The following ARHGAP42 variants were observed in gnomAD, a reference collection of about 807,000 sequenced individuals.
ARHGAP42 encodes the protein Rho GTPase activating protein 42.
Under a neutral mutation model 125.0 loss-of-function variants are expected in ARHGAP42, and 63 were observed. The ratio of observed to expected loss-of-function variants is 0.50; its 90% confidence interval spans 0.41 to 0.62. The LOEUF is 0.62. Among genes scored for constraint, ARHGAP42 ranks in the 20% least tolerant of loss-of-function variants. The pLI is 0.00. For missense variants in ARHGAP42, 766 were observed against 1,024.2 expected (o/e 0.75, Z 3.44); for synonymous variants, 339 against 351.0 (o/e 0.97, Z 0.38).
chr11:100,954,895 T>A (rs1468543192), intron 12 of ARHGAP42, among the ~76,000 whole-genome samples: 1 of 152,178 alleles, frequency 6.6e-6, no homozygotes, highest in Non-Finnish European at 1.5e-5. Context: ...TACAGCATGA[T>A]ATTAGTTATC....
At chr11:100,968,695 C>A (rs183202735) in intron 17 of ARHGAP42, among the ~76,000 whole-genome samples, 3 of 152,114 alleles carry the variant, frequency 2.0e-5, no homozygotes, top group Admixed American at 6.5e-5. Context: ...TTCATTTGTT[C>A]CTGTGAATTT....
chr11:100,979,631 T>C (rs1201704199), intron 22 of ARHGAP42, among the ~76,000 whole-genome samples: 3 of 152,202 alleles, frequency 2.0e-5, no homozygotes, highest in Admixed American at 2.0e-4. Flanking sequence ...TCAAATTTAT[T>C]CTTGATCTAC....
intron 4 of ARHGAP42, among the ~76,000 whole-genome samples, chr11:100,898,198 A>G (rs965667035): frequency 2.0e-5 from 3 of 152,154 alleles, no homozygotes; most frequent in Non-Finnish European, 2.9e-5. Context: ...AGCCAACTTG[A>G]TCGTGGTGGA....
At chr11:100,955,952 T>C (rs1857793757) in intron 12 of ARHGAP42, among the ~76,000 whole-genome samples, 1 of 152,156 alleles carries the variant, frequency 6.6e-6, no homozygotes, top group South Asian at 2.1e-4. Context: ...TGCCACTGAC[T>C]TCCCTCAGAA....
At chr11:100,720,921 A>C (rs577742993) in intron 1 of ARHGAP42, among the ~76,000 whole-genome samples, 1 of 152,088 alleles carries the variant, frequency 6.6e-6, no homozygotes, top group Non-Finnish European at 1.5e-5. Flanking sequence ...CCATTTACTT[A>C]TTTAGATTCT....
chr11:100,752,364 C>A (rs1454437153), intron 1 of ARHGAP42, among the ~76,000 whole-genome samples: 1 of 152,306 alleles, frequency 6.6e-6, no homozygotes, highest in East Asian at 1.9e-4. Context: ...TTGTTGCAGA[C>A]TATCCTAGCT....
At chr11:100,799,412 T>A (rs548271024) in intron 3 of ARHGAP42, among the ~76,000 whole-genome samples, 1 of 152,342 alleles carries the variant, frequency 6.6e-6, no homozygotes, top group South Asian at 2.1e-4. Context: ...GTGACTTTGA[T>A]CTGAGTTTTG....
chr11:100,976,481 T>G, intron 20 of ARHGAP42, 44 bp downstream of exon 20: 1 of 1,479,860 alleles, frequency 6.8e-7, no homozygotes, highest in South Asian at 1.4e-5. Context: ...TGTCTCAGTG[T>G]CACTTGTGCT....
At chr11:100,928,361 C>T (rs937679713) in intron 6 of ARHGAP42, among the ~76,000 whole-genome samples, 7 of 151,998 alleles carry the variant, frequency 4.6e-5, no homozygotes, top group African/African-American at 7.2e-5. Context: ...GTTGAGAGGC[C>T]GAGGCGGGAG....
At chr11:100,878,127 T>C (rs1865868759) in intron 4 of ARHGAP42, among the ~76,000 whole-genome samples, 1 of 151,944 alleles carries the variant, frequency 6.6e-6, no homozygotes, top group Non-Finnish European at 1.5e-5. Context: ...ATTCCTTCTA[T>C]TTCTTTTTTT....
intron 1 of ARHGAP42, among the ~76,000 whole-genome samples, chr11:100,702,118 C>CA (rs1019420186): frequency 1.1e-3 from 152 of 144,112 alleles, no homozygotes; most frequent in Admixed American, 3.0e-3. Flanking sequence ...GACCCTGTCT[C>CA]AAAAAAAAAA....
chr11:100,804,197 A>C (rs1396578704), intron 3 of ARHGAP42, among the ~76,000 whole-genome samples: 1 of 152,044 alleles, frequency 6.6e-6, no homozygotes, highest in Non-Finnish European at 1.5e-5. Flanking sequence ...ACCATATTGC[A>C]TAGGCTGGTA....
chr11:100,874,660 T>A (rs977537827), intron 4 of ARHGAP42, among the ~76,000 whole-genome samples: 1 of 152,224 alleles, frequency 6.6e-6, no homozygotes, highest in Admixed American at 6.5e-5. Context: ...TTTGCCTTTT[T>A]CATTCTCTGC....
chr11:100,714,115 C>A (rs1226246020), intron 1 of ARHGAP42, among the ~76,000 whole-genome samples: 1 of 152,020 alleles, frequency 6.6e-6, no homozygotes, highest in Non-Finnish European at 1.5e-5. Context: ...ATGAGTAAAC[C>A]GTAATGGGCA....
rs752062401 is a variant in ARHGAP42 at position 100,992,473 on chromosome 11, A to G, written c.*3672A>G. Reference sequence around the variant, plus strand: ...ACTTTGCCTCCTACCCTTTTTTGTTACCTTCCAAAATCAAGACACTTTTAA... The same window carrying G: ...ACTTTGCCTCCTACCCTTTTTTGTTGCCTTCCAAAATCAAGACACTTTTAA... On this transcript the variant is annotated 3_prime_UTR_variant, in exon 24 of 24. Transcript: ENST00000298815. 11 of 1,613,786 alleles carry G rather than the reference A, an allele frequency of 6.8e-6. No homozygotes were observed. Among genetic ancestry groups the G allele is most frequent in the African/African-American group, 1.3e-5 (1 of 74,874 alleles).
chr11:100,729,158 T>C (rs1411251699), intron 1 of ARHGAP42, among the ~76,000 whole-genome samples: 1 of 152,168 alleles, frequency 6.6e-6, no homozygotes, highest in Admixed American at 6.5e-5. Flanking sequence ...CCATTTACTT[T>C]TAGGCTACTC....
intron 3 of ARHGAP42, among the ~76,000 whole-genome samples, chr11:100,825,378 A>C (rs897709081): frequency 6.6e-6 from 1 of 152,224 alleles, no homozygotes; most frequent in South Asian, 2.1e-4. Flanking sequence ...TTCATAGGAC[A>C]ATTGAAAATG....
chr11:100,917,206 A>G (rs1396035730), intron 5 of ARHGAP42, among the ~76,000 whole-genome samples: 2 of 152,160 alleles, frequency 1.3e-5, no homozygotes, highest in African/African-American at 4.8e-5. Context: ...CCCTTTAGAC[A>G]CCCAGGTGTT....
At chr11:100,908,416 C>G (rs961334919) in intron 4 of ARHGAP42, among the ~76,000 whole-genome samples, 2 of 152,162 alleles carry the variant, frequency 1.3e-5, no homozygotes, top group Non-Finnish European at 2.9e-5. Flanking sequence ...TGTTTGGAGT[C>G]TCCAGTGTCT....
Sources: allele counts gnomAD v4.1 joint callset (sites outside exome capture counted in the v4.1 genomes callset), GRCh38; gene constraint gnomAD v4.1.1; transcripts MANE v1.5; gene names NCBI Gene and HGNC (gene_info 2026-07-23, HGNC 2026-07-21).